RANBP10: variants seen among roughly 807,000 people sequenced by gnomAD.
RANBP10 encodes ran-binding protein 10.
Under a neutral mutation model 72.8 loss-of-function variants are expected in RANBP10, and 24 were observed. The ratio of observed to expected loss-of-function variants is 0.33; its 90% confidence interval spans 0.24 to 0.46. The LOEUF (loss-of-function observed/expected upper bound fraction) is 0.46, where lower values mean the gene tolerates loss of function less well. RANBP10 is among the 20% of genes least tolerant of loss of function. The pLI is 1.00. For missense variants in RANBP10, 679 were observed against 817.5 expected (o/e 0.83, Z 2.07); for synonymous variants, 310 against 322.3 (o/e 0.96, Z 0.41).
intron 3 of RANBP10, among the ~76,000 whole-genome samples, chr16:67,752,028 G>C (rs1165814119): frequency 1.3e-5 from 2 of 150,766 alleles, no homozygotes; most frequent in African/African-American, 4.9e-5. Flanking sequence ...CCTCAGTTTG[G>C]CTAGAAAAGA....
intron 2 of RANBP10, among the ~76,000 whole-genome samples, chr16:67,782,833 T>C (rs1311203992): frequency 6.6e-6 from 1 of 152,194 alleles, no homozygotes; most frequent in East Asian, 1.9e-4. Context: ...AGCCATCTCT[T>C]AAAAGCCACT....
chr16:67,793,943 A>T (rs1040066084), intron 2 of RANBP10, among the ~76,000 whole-genome samples: 3 of 151,706 alleles, frequency 2.0e-5, no homozygotes, highest in African/African-American at 7.3e-5. Flanking sequence ...GCAGTAGCTC[A>T]ATCATAGCTC....
At chr16:67,793,371 GCACGAC>G (rs1209401159) in intron 2 of RANBP10, among the ~76,000 whole-genome samples, 3 of 149,724 alleles carry the variant, frequency 2.0e-5, no homozygotes, top group Admixed American at 6.7e-5. Flanking sequence ...GAGCACAATG[GCACGAC>G]CACGGCTCAT....
intron 2 of RANBP10, among the ~76,000 whole-genome samples, chr16:67,794,440 A>T (rs1305305164): frequency 6.6e-6 from 1 of 151,848 alleles, no homozygotes; most frequent in Non-Finnish European, 1.5e-5. Flanking sequence ...CCGTCTCAAA[A>T]TAAAAAACGA....
intron 2 of RANBP10, among the ~76,000 whole-genome samples, chr16:67,787,299 T>C (rs183898968): frequency 1.1e-4 from 17 of 152,188 alleles, no homozygotes; most frequent in African/African-American, 2.9e-4. Context: ...AGCAAGAGGA[T>C]TGCTTGAGCT....
chr16:67,742,211 ACTTAGTGATT>A (rs2053983689), intron 4 of RANBP10, among the ~76,000 whole-genome samples: 1 of 152,254 alleles, frequency 6.6e-6, no homozygotes, highest in East Asian at 1.9e-4. Flanking sequence ...CGCTCGGCCA[ACTTAGTGATT>A]CTTAAATGGC....
intron 4 of RANBP10, 98 bp from the exon 5 acceptor site, chr16:67,738,133 T>C: frequency 7.4e-7 from 1 of 1,356,592 alleles, no homozygotes; most frequent in East Asian, 2.7e-5. Flanking sequence ...GTAGTTGTTT[T>C]TTTTGGTTTG....
chr16:67,726,387 G>T lies in RANBP10; in HGVS notation c.*41C>A, dbSNP rs1314329623. On this transcript the variant is annotated 3_prime_UTR_variant, in exon 14 of 14. Transcript: ENST00000317506. ...GGAGGGCAGGGCAGCTCCAGCCCTGGGGCCAGTGGAGGGCCAGCCAGAGCC... is the reference window on the plus strand; with the variant it reads ...GGAGGGCAGGGCAGCTCCAGCCCTGTGGCCAGTGGAGGGCCAGCCAGAGCC... 1.2e-6 allele frequency: 2 copies of T among 1,609,400 alleles called. No individual in the cohort carries two copies. Among genetic ancestry groups the T allele is most frequent in the Middle Eastern group, 1.8e-4 (1 of 5,410 alleles).
intron 4 of RANBP10, among the ~76,000 whole-genome samples, chr16:67,740,188 C>T (rs937427579): frequency 1.3e-4 from 20 of 151,400 alleles, no homozygotes; most frequent in Admixed American, 6.6e-4. Context: ...CTGCAAGCTC[C>T]GCCTCCCGGG....
chr16:67,802,159 T>C (rs2055246416), intron 2 of RANBP10, among the ~76,000 whole-genome samples: 1 of 151,608 alleles, frequency 6.6e-6, no homozygotes, highest in Non-Finnish European at 1.5e-5. Context: ...CTGCCCTGTG[T>C]AACTGCCTTT....
At chr16:67,727,532 GC>G in intron 12 of RANBP10, 94 bp from the exon 13 acceptor site, 1 of 1,353,316 alleles carries the variant, frequency 7.4e-7, no homozygotes, top group Non-Finnish European at 1.0e-6. Context: ...CCTGCATGAT[GC>G]CCAGCCTGGA....
At chr16:67,798,768 C>A (rs2055178436) in intron 2 of RANBP10, among the ~76,000 whole-genome samples, 1 of 152,176 alleles carries the variant, frequency 6.6e-6, no homozygotes, top group African/African-American at 2.4e-5. Context: ...CTGGCCCACC[C>A]TGGACAAGGG....
intron 3 of RANBP10, among the ~76,000 whole-genome samples, chr16:67,758,871 G>A (rs572470321): frequency 2.6e-5 from 4 of 152,342 alleles, no homozygotes; most frequent in South Asian, 2.1e-4. Context: ...GAGCTGCCTC[G>A]CTTGAAAAGG....
chr16:67,743,595 C>T (rs1006558963), intron 4 of RANBP10, among the ~76,000 whole-genome samples: 1 of 152,172 alleles, frequency 6.6e-6, no homozygotes, highest in Admixed American at 6.5e-5. Flanking sequence ...GGTTTCTTCT[C>T]CTGGTTAACA....
chr16:67,795,747 C>G (rs1318484469), intron 2 of RANBP10, among the ~76,000 whole-genome samples: 1 of 150,692 alleles, frequency 6.6e-6, no homozygotes, highest in Non-Finnish European at 1.5e-5. Flanking sequence ...CCCAGCTACT[C>G]AGGAGGCTGA....
chr16:67,800,304 A>G (rs1210524708), intron 2 of RANBP10, among the ~76,000 whole-genome samples: 2 of 152,188 alleles, frequency 1.3e-5, no homozygotes, highest in Non-Finnish European at 2.9e-5. Flanking sequence ...GCTACAGAGG[A>G]AAATGCCCCC....
intron 3 of RANBP10, among the ~76,000 whole-genome samples, chr16:67,757,665 C>A (rs1243072912): frequency 1.3e-5 from 2 of 152,204 alleles, no homozygotes; most frequent in Admixed American, 1.3e-4. Context: ...CGGCCTGGAG[C>A]AGCTCAACAA....
intron 3 of RANBP10, among the ~76,000 whole-genome samples, chr16:67,767,156 A>G (rs999251817): frequency 6.6e-6 from 1 of 152,198 alleles, no homozygotes; most frequent in Non-Finnish European, 1.5e-5. Context: ...GTTAAGTCTC[A>G]TATTGTGAAA....
At chr16:67,733,998 T>C (rs8051632) in intron 6 of RANBP10, among the ~76,000 whole-genome samples, 10,798 of 152,222 alleles carry the variant, frequency 0.071, 562 homozygotes, top group Middle Eastern at 0.19. Flanking sequence ...TGGGGGGCTG[T>C]GAACAAGAGG....
Sources: gnomAD v4.1 joint callset for allele counts (sites outside exome capture counted in the v4.1 genomes callset) on GRCh38, gnomAD v4.1.1 for gene constraint, MANE v1.5 for transcripts, NCBI Gene and HGNC (gene_info 2026-07-23, HGNC 2026-07-21) for gene names.